Variants in ALPK2 observed in about 807,000 individuals in gnomAD.
ALPK2 encodes the protein alpha-protein kinase 2.
In ALPK2, 127 loss-of-function variants were observed where a neutral mutation model predicts 163.1. The observed-to-expected ratio is 0.78, with a 90% confidence interval of 0.67 to 0.90. ALPK2 has a LOEUF of 0.90. ALPK2 is among the 40% of genes least tolerant of loss of function. The pLI is 0.00. For synonymous variants in ALPK2, 953 were observed against 959.1 expected (o/e 0.99, Z 0.12); for missense variants, 2,360 against 2,589.6 (o/e 0.91, Z 1.92).
intron 4 of ALPK2, chr18:58,538,625 A>G (rs2051671401): frequency 5.8e-6 from 1 of 171,240 alleles, no homozygotes; most frequent in Non-Finnish European, 1.2e-5. Flanking sequence ...TGAAATAAAC[A>G]GTACTTGCAA....
At chr18:58,593,985 G>A (rs2052029021) in intron 3 of ALPK2, among the ~76,000 whole-genome samples, 1 of 150,614 alleles carries the variant, frequency 6.6e-6, no homozygotes, top group Non-Finnish European at 1.5e-5. Flanking sequence ...CAGCATAATG[G>A]GGTGAAACCT....
In ALPK2 at chr18:58,579,514, C is replaced by T; in HGVS notation, c.1262G>A (p.Gly421Asp). ...GVRSSRVSKH[G>D]PSSPQTGMTL... ...CATCCCTGTTTGTGGGGATGAGGGA[C>T]CGTGCTTGGAGACTCTGCTGCTCCT... is the stretch of plus-strand genomic sequence containing the variant. The change falls in exon 4 of 13, where the codon GGT becomes GAT. Residue 421 changes from glycine to aspartate, a missense_variant. Transcript: ENST00000361673. The T allele has an allele frequency of 6.2e-7, 1 of 1,613,924 alleles. No homozygotes were observed.
chr18:58,537,098 TC>T lies in ALPK2; in HGVS notation c.3088del (p.Asp1030ThrfsTer32). The T allele has an allele frequency of 6.2e-7, 1 of 1,614,202 alleles. No homozygotes were observed. Among genetic ancestry groups the T allele is most frequent in the Non-Finnish European group, 8.5e-7 (1 of 1,180,012 alleles). On this transcript the variant is annotated frameshift_variant, in exon 5 of 13. Transcript: ENST00000361673. LOFTEE classifies it high-confidence loss of function. The stretch of plus-strand genomic sequence containing the variant: ...CTCCTCAGTGCCACCTGCATGCTTG[TC>T]CTCAGGAATTGACACAGCAAGGTAT... ...AKYLAVSIPEDKHAGGTEERF... is the reference protein window; with the variant it reads ...AKYLAVSIPEXKHAGGTEERF...
chr18:58,627,841 C>A (rs2052239934), intron 1 of ALPK2, among the ~76,000 whole-genome samples: 2 of 152,100 alleles, frequency 1.3e-5, no homozygotes, highest in Non-Finnish European at 2.9e-5. Flanking sequence ...GCAAAAAACC[C>A]CTTCAATTTG....
intron 4 of ALPK2, among the ~76,000 whole-genome samples, chr18:58,572,771 G>A (rs1484393351): frequency 1.3e-5 from 2 of 152,154 alleles, no homozygotes; most frequent in Non-Finnish European, 2.9e-5. Flanking sequence ...GATCTTTGTG[G>A]TAATGGAATT....
chr18:58,595,896 G>T (rs1284030037), intron 3 of ALPK2, among the ~76,000 whole-genome samples: 2 of 152,140 alleles, frequency 1.3e-5, no homozygotes, highest in African/African-American at 4.8e-5. Context: ...TGCTGATGCT[G>T]GTGGTCCAAG....
At position 58,579,108 on chromosome 18, in the gene ALPK2, A is replaced by G. The variant is rs770462010; in HGVS notation, c.1668T>C (p.Ser556=). The G allele has an allele frequency of 4.3e-6, 7 of 1,614,028 alleles. No individual in the cohort carries two copies. In the Admixed American group the frequency reaches 1.0e-4, roughly 23 times the overall value. Residue 556 remains serine, a synonymous_variant, in exon 4 of 13, where the codon AGT becomes AGC. Transcript: ENST00000361673. ...PKKPNANLRE[S]TTEGTLHLCS... is the part of the protein sequence containing the mutation. ...AGAGATGAAGGGTACCTTCTGTTGT[A>G]CTTTCTCTCAGGTTGGCATTCGGCT...
At chr18:58,573,226 G>GTATAGATGTA (rs2051895591) in intron 4 of ALPK2, among the ~76,000 whole-genome samples, 1 of 139,466 alleles carries the variant, frequency 7.2e-6, no homozygotes, top group Non-Finnish European at 1.5e-5. Context: ...ATATATATGT[G>GTATAGATGTA]TATATGTGTG....
At chr18:58,598,008 C>A (rs898169709) in intron 3 of ALPK2, among the ~76,000 whole-genome samples, 1 of 152,234 alleles carries the variant, frequency 6.6e-6, no homozygotes, top group African/African-American at 2.4e-5. Context: ...CAATCTTGGA[C>A]CTCCAGCCTC....
chr18:58,578,733 G>GACACACACACACGCGCGCGCGC, intron 4 of ALPK2, 81 bp downstream of exon 4: 5 of 530,136 alleles, frequency 9.4e-6, no homozygotes, highest in Admixed American at 3.5e-5. Flanking sequence ...TAAAGGAAGA[G>GACACACACACACGCGCGCGCGC]ACACACACAC....
intron 4 of ALPK2, chr18:58,557,228 T>A (rs4074562): frequency 0.19 from 28,950 of 152,174 alleles, 3,176 homozygotes; most frequent in East Asian, 0.3. Flanking sequence ...GAGGGGCTCA[T>A]GGGTGACCAG....
At position 58,580,416 on chromosome 18, in the gene ALPK2, G is replaced by A. The variant is rs1192147914; in HGVS notation, c.360C>T (p.Asp120=). ...TTTCATGTTTCCAACCCCTGTCCCT[G>A]TCATCTTCCAGGTTAGGAGACAATT... is the stretch of plus-strand genomic sequence containing the variant. ...NPQLSPNLED[D]RDRGWKHETG... Residue 120 remains aspartate, a synonymous_variant, in exon 4 of 13, where the codon GAC becomes GAT. Transcript: ENST00000361673. 2 of 1,613,990 alleles carry A rather than the reference G, an allele frequency of 1.2e-6. No homozygotes were observed. Among genetic ancestry groups the A allele is most frequent in the African/African-American group, 1.3e-5 (1 of 74,864 alleles).
At chr18:58,525,917 T>C (rs751702399) in intron 6 of ALPK2, among the ~76,000 whole-genome samples, 7 of 146,468 alleles carry the variant, frequency 4.8e-5, no homozygotes, top group Non-Finnish European at 8.9e-5. Context: ...ATCCAACATT[T>C]GTGGAGTATC....
chr18:58,491,686 T>C (rs1202906432), intron 12 of ALPK2, among the ~76,000 whole-genome samples: 2 of 152,126 alleles, frequency 1.3e-5, no homozygotes, highest in Non-Finnish European at 2.9e-5. Context: ...ATTTGAGTAG[T>C]AATAAAACTT....
chr18:58,611,124 A>C (rs2052128191), intron 2 of ALPK2, among the ~76,000 whole-genome samples: 1 of 151,606 alleles, frequency 6.6e-6, no homozygotes, highest in South Asian at 2.1e-4. Flanking sequence ...ATAAAAATAA[A>C]AAAATTAGCC....
intron 12 of ALPK2, among the ~76,000 whole-genome samples, chr18:58,496,155 T>C (rs1406249125): frequency 6.6e-6 from 1 of 152,156 alleles, no homozygotes; most frequent in African/African-American, 2.4e-5. Flanking sequence ...TTCATCCCCC[T>C]CATCAGGTAG....
intron 4 of ALPK2, among the ~76,000 whole-genome samples, chr18:58,555,441 C>G (rs2051785375): frequency 6.6e-6 from 1 of 152,190 alleles, no homozygotes; most frequent in Non-Finnish European, 1.5e-5. Flanking sequence ...TGTATAATAT[C>G]ACAAAAGAGC....
chr18:58,550,376 C>A (rs1386691731), intron 4 of ALPK2, among the ~76,000 whole-genome samples: 1 of 146,870 alleles, frequency 6.8e-6, no homozygotes, highest in South Asian at 2.2e-4. Context: ...TCACATACAA[C>A]CCCATCCCCA....
chr18:58,524,069 T>C lies in ALPK2; in HGVS notation c.5502-7A>G, dbSNP rs1168472563. ...AGTGGAGTTGTCCCCTGCACTGCAA[T>C]GAGGAATATTCACATTGACACACTT... On this transcript the variant is annotated splice_region_variant and splice_polypyrimidine_tract_variant and intron_variant, in intron 6 of 12. Coordinates refer to ENST00000361673, the MANE Select transcript of ALPK2 (RefSeq NM_052947.4). 1 of 1,609,292 alleles carries C rather than the reference T, an allele frequency of 6.2e-7. No individual in the cohort carries two copies. Among genetic ancestry groups the C allele is most frequent in the Non-Finnish European group, 8.5e-7 (1 of 1,176,752 alleles).
Sources: allele counts gnomAD v4.1 joint callset (sites outside exome capture counted in the v4.1 genomes callset), GRCh38; gene constraint gnomAD v4.1.1; transcripts MANE v1.5; gene names NCBI Gene and HGNC (gene_info 2026-07-23, HGNC 2026-07-21).